LRRC9: variants seen among roughly 807,000 people sequenced by gnomAD.
LRRC9 encodes leucine-rich repeat-containing protein 9.
Under a neutral mutation model 63.2 loss-of-function variants are expected in LRRC9, and 122 were observed. The ratio of observed to expected loss-of-function variants is 1.93; its 90% CI spans 1.67 to 2.24. The LOEUF (loss-of-function observed/expected upper bound fraction) is 2.24. LRRC9 is among the 30% of genes most tolerant of loss of function. The probability of loss-of-function intolerance (pLI) is 0.00; values close to 1 mark genes in which losing one functional copy is unlikely to be tolerated. For synonymous variants in LRRC9, 366 were observed against 213.1 expected, an observed-to-expected ratio of 1.72 and a Z score of -6.25; for missense variants, 1,071 against 627.7, an observed-to-expected ratio of 1.71 and a Z score of -7.55.
At chr14:60,014,780 A>G (rs1229407597) in intron 23 of LRRC9, among the ~76,000 whole-genome samples, 1 of 151,618 alleles carries the variant, frequency 6.6e-6, no homozygotes. Context: ...TTAGCTTCTT[A>G]CTTAGTTTCT....
At chr14:59,972,187 C>T (rs181816019) in intron 12 of LRRC9, among the ~76,000 whole-genome samples, 19 of 152,228 alleles carry the variant, frequency 1.2e-4, no homozygotes, top group Middle Eastern at 3.4e-3. Flanking sequence ...TACCCTGTAA[C>T]AGACTTACTG....
At chr14:59,959,824 C>A in exon 9 of LRRC9, 1 of 616,170 alleles carries the variant, frequency 1.6e-6, no homozygotes, top group Non-Finnish European at 2.9e-6. Flanking sequence ...ACAGTTGGAA[C>A]GAGAACTGGC....
intron 29 of LRRC9, among the ~76,000 whole-genome samples, chr14:60,047,195 C>T (rs1444543153): frequency 6.6e-6 from 1 of 152,160 alleles, no homozygotes; most frequent in Non-Finnish European, 1.5e-5. Flanking sequence ...AGGATCATGT[C>T]ATCTGCAAAC....
rs537930898 is a variant in LRRC9, at chr14:59,934,467, G to A, written c.543+2428G>A. ...AGAGCAGTCATACCTTACAATCTTG[G>A]CATAACAAGCAAGAGTGTGAAGCGA... On this transcript the variant is annotated intron_variant, in intron 6 of 31. Transcript: ENST00000445360. 9.9e-5 allele frequency among the ~76,000 whole-genome samples: 15 copies of A among 152,244 alleles called. 1 individual carries two copies. In the South Asian group the frequency reaches 3.1e-3, roughly 32 times the overall value.
chr14:59,935,436 T>C lies in LRRC9; in HGVS notation c.544-2954T>C, dbSNP rs111816345. Among the ~76,000 whole-genome samples the C allele has an allele frequency of 8.7e-3, 1,324 of 152,300 alleles. 8 individuals carry two copies. Among genetic ancestry groups the C allele is most frequent in the South Asian group, 0.014 (68 of 4,830 alleles). On this transcript the variant is annotated intron_variant, in intron 6 of 31. Transcript: ENST00000445360. ...ACGACATTGGTAATCATTAAAATGA[T>C]AGAACTTTTCTAGAAAGCATTTAGA...
Position 59,930,824 on chromosome 14 carries a change from T to C in LRRC9, c.268-94T>C, listed in dbSNP as rs117965586. 6,755 of 272,528 alleles carry C rather than the reference T, an allele frequency of 0.025. 143 individuals are homozygous for C. The highest frequency in any genetic ancestry group is 0.051 in the South Asian group (564 of 11,008). 16.9% of individuals were successfully genotyped at this position (272,528 alleles called of 1,614,324 possible). The stretch of plus-strand genomic sequence containing the variant: ...ATATTGATTTTGCAATAAAATATGA[T>C]ATTTAAAAGAAAATATACTTAGAAA... On this transcript the variant is annotated intron_variant, in intron 3 of 31. Transcript: ENST00000445360. The surrounding 1 kb of genome is among the most constrained non-coding windows in gnomAD (Gnocchi z 4.9).
chr14:59,982,042 C>A, exon 16 of LRRC9: 1 of 701,096 alleles, frequency 1.4e-6, no homozygotes, highest in Non-Finnish European at 2.6e-6. Context: ...CAAAGACTAG[C>A]GTTTACAGTC....
intron 3 of LRRC9, among the ~76,000 whole-genome samples, chr14:59,929,432 T>G (rs1300083008): frequency 6.6e-6 from 1 of 150,662 alleles, no homozygotes; most frequent in Non-Finnish European, 1.5e-5. Flanking sequence ...AAATAACAGA[T>G]GCTGGCAAAG....
chr14:60,018,847 C>A (rs1307959842), intron 25 of LRRC9, among the ~76,000 whole-genome samples: 1 of 151,760 alleles, frequency 6.6e-6, no homozygotes, highest in Admixed American at 6.6e-5. Flanking sequence ...GTCTTTTCGA[C>A]TAAAAATTAT....
rs954565632 is a variant in LRRC9 at position 60,060,523 on chromosome 14, G to A, written c.4276+2501G>A. ...TGGGAGGCTGAGGTGGGCAGATCAC[G>A]AGGTCAGGAGATCGAGACCATCCTG... On this transcript the variant is annotated intron_variant, in intron 31 of 31. Transcript: ENST00000445360. This position sits in a 1 kb window ranked among gnomAD's most constrained non-coding sequence, Gnocchi z 4.0. 6.6e-6 allele frequency among the ~76,000 whole-genome samples: 1 copy of A among 152,120 alleles called. No individual in the cohort carries two copies. The highest frequency in any genetic ancestry group is 1.5e-5 in the Non-Finnish European group (1 of 68,002).
Position 59,931,603 on chromosome 14 carries a change from T to C in LRRC9, c.409-16T>C, listed in dbSNP as rs1221895398. On this transcript the variant is annotated splice_polypyrimidine_tract_variant and intron_variant, in intron 4 of 31. Transcript: ENST00000445360. ...TTAATTATCTGTTCTAAATAATATG[T>C]TGTCTAAATTTTTAGGGTTTGCAAA... 3 of 689,164 alleles carry C rather than the reference T, an allele frequency of 4.4e-6. No individual in the cohort carries two copies. The highest frequency in any genetic ancestry group is 3.5e-5 in the African/African-American group (2 of 56,350). 42.7% of individuals were successfully genotyped at this position (689,164 alleles called of 1,614,324 possible).
rs7152011 is a variant in LRRC9, at chr14:59,930,072, T to G, written c.268-846T>G. Among the ~76,000 whole-genome samples the G allele has an allele frequency of 2.6e-5, 4 of 151,824 alleles. No individual in the cohort carries two copies. Among genetic ancestry groups the G allele is most frequent in the African/African-American group, 7.3e-5 (3 of 41,318 alleles). On this transcript the variant is annotated intron_variant, in intron 3 of 31. Transcript: ENST00000445360. The surrounding 1 kb of genome is among the most constrained non-coding windows in gnomAD (Gnocchi z 4.9). ...CACATGCACCCCTGAACTTAAAATA[T>G]AAGTTCAATAAATAAATAAATTGAT...
chr14:59,999,015 T>C, intron 18 of LRRC9, 86 bp from the exon 19 acceptor site: 1 of 527,776 alleles, frequency 1.9e-6, no homozygotes, highest in Non-Finnish European at 3.4e-6. Context: ...TGATTTTGAA[T>C]TATATGGAAA....
chr14:60,055,995 G>A (rs981657881), intron 30 of LRRC9, among the ~76,000 whole-genome samples: 1 of 152,032 alleles, frequency 6.6e-6, no homozygotes, highest in Admixed American at 6.6e-5. Context: ...GCTTCTAGAG[G>A]CCATCCGCAT....
chr14:59,998,115 G>A (rs370460938), intron 18 of LRRC9, among the ~76,000 whole-genome samples: 15 of 152,042 alleles, frequency 9.9e-5, no homozygotes, highest in African/African-American at 3.6e-4. Context: ...TGATGTCATT[G>A]CCATTTGCAA....
chr14:59,966,680 A>T lies in LRRC9; in HGVS notation c.1303A>T (p.Ile435Phe), dbSNP rs1452448716. 4.3e-6 allele frequency: 3 copies of T among 697,838 alleles called. No homozygotes were observed. The highest frequency in any genetic ancestry group is 7.8e-6 in the Non-Finnish European group (3 of 382,914). 43.2% of individuals were successfully genotyped at this position (697,838 alleles called of 1,614,324 possible). ...TACAGGAGTAAAAGTAAAACGCATCATTAAAGTTAACAACCGTATTCTGAG... is the reference window on the plus strand; with the variant it reads ...TACAGGAGTAAAAGTAAAACGCATCTTTAAAGTTAACAACCGTATTCTGAG... Residue 435 changes from isoleucine (I) to phenylalanine (F), a missense_variant, in exon 11 of 32, where the codon ATT becomes TTT. Transcript: ENST00000445360. This position sits in a 1 kb window ranked among gnomAD's most constrained non-coding sequence, Gnocchi z 4.0.
chr14:59,974,855 A>G, intron 13 of LRRC9, 147 bp downstream of exon 13: 3 of 438,460 alleles, frequency 6.8e-6, no homozygotes, highest in Non-Finnish European at 8.0e-6. Context: ...GTGTAGTAAT[A>G]CATGACTTTC....
intron 29 of LRRC9, among the ~76,000 whole-genome samples, chr14:60,044,434 C>T (rs1314509171): frequency 6.6e-6 from 1 of 152,080 alleles, no homozygotes; most frequent in South Asian, 2.1e-4. Context: ...GCATTTATTG[C>T]AATAAACTTT....
chr14:59,970,305 T>C (rs1228760283), intron 12 of LRRC9, among the ~76,000 whole-genome samples: 2 of 152,192 alleles, frequency 1.3e-5, no homozygotes, highest in Non-Finnish European at 2.9e-5. Context: ...TATTCCATGG[T>C]GTACATGTAC....
Sources: allele counts gnomAD v4.1 joint callset (sites outside exome capture counted in the v4.1 genomes callset), GRCh38; gene constraint gnomAD v4.1.1; non-coding constraint Gnocchi (gnomAD v3.1); transcripts MANE v1.5; gene names NCBI Gene and HGNC (gene_info 2026-07-23, HGNC 2026-07-21).